The following CNST variants were observed in gnomAD, a reference collection of about 807,000 sequenced individuals.
CNST encodes the protein consortin.
In CNST, 39 loss-of-function variants were observed where a neutral mutation model predicts 72.4. That is an observed-to-expected ratio of 0.54 (90% CI 0.42 to 0.70). The LOEUF is 0.70. Ranked by LOEUF, CNST falls within the 30% of genes least tolerant of loss-of-function variation. The probability of loss-of-function intolerance (pLI) is 0.00; values close to 1 mark genes in which losing one functional copy is unlikely to be tolerated. For synonymous variants in CNST, 332 were observed against 320.1 expected (o/e 1.04, Z -0.40); for missense variants, 871 against 868.5 (o/e 1.00, Z -0.04).
intron 9 of CNST, among the ~76,000 whole-genome samples, chr1:246,649,948 A>G (rs1451931435): frequency 6.6e-6 from 1 of 151,664 alleles, no homozygotes; most frequent in Non-Finnish European, 1.5e-5. Flanking sequence ...GGATGTATCA[A>G]AGGTCTGTAG....
At chr1:246,603,409 A>G (rs188834149) in intron 2 of CNST, among the ~76,000 whole-genome samples, 1 of 152,276 alleles carries the variant, frequency 6.6e-6, no homozygotes, top group East Asian at 1.9e-4. Context: ...GATCTCTACA[A>G]AGAGTGACTG....
chr1:246,617,549 ATAT>A (rs1353940384), intron 2 of CNST, among the ~76,000 whole-genome samples: 1 of 152,196 alleles, frequency 6.6e-6, no homozygotes, highest in Non-Finnish European at 1.5e-5. Flanking sequence ...CCTCACACTA[ATAT>A]TATAAGGTAG....
Position 246,667,393 on chromosome 1 carries a change from T to G in CNST, c.*1488T>G, listed in dbSNP as rs1667432494. The G allele has an allele frequency of 1.3e-5, 2 of 152,198 alleles. No homozygotes were observed. Among genetic ancestry groups the G allele is most frequent in the Admixed American group, 6.5e-5 (1 of 15,280 alleles). 9.4% of individuals were successfully genotyped at this position (152,198 alleles called of 1,614,324 possible). On this transcript the variant is annotated 3_prime_UTR_variant, in exon 11 of 11. Coordinates refer to ENST00000366513, the MANE Select transcript of CNST (RefSeq NM_152609.3). The stretch of plus-strand genomic sequence containing the variant: ...AGATATTTAATTACTGTGTATTTAG[T>G]GTTTTGATTTTCTATAATTTCAGTT...
At chr1:246,648,089 A>G (rs1666229721) in intron 9 of CNST, 52 bp downstream of exon 9, 2 of 1,535,284 alleles carry the variant, frequency 1.3e-6, no homozygotes, top group Non-Finnish European at 1.7e-6. Flanking sequence ...TAAAAAACAT[A>G]TATATGTATT....
intron 9 of CNST, among the ~76,000 whole-genome samples, chr1:246,650,778 A>G (rs1299688038): frequency 6.6e-6 from 1 of 150,684 alleles, no homozygotes; most frequent in Non-Finnish European, 1.5e-5. Flanking sequence ...CCTGGGTTCA[A>G]GCAATACTCG....
chr1:246,625,583 A>G (rs1241449389), intron 3 of CNST, among the ~76,000 whole-genome samples: 1 of 151,230 alleles, frequency 6.6e-6, no homozygotes, highest in East Asian at 1.9e-4. Context: ...CACCACGCCC[A>G]GCTAATTTTT....
chr1:246,631,990 T>C (rs1664800597), intron 4 of CNST, 66 bp downstream of exon 4: 2 of 948,220 alleles, frequency 2.1e-6, no homozygotes, highest in East Asian at 2.4e-5. Context: ...TTTTTTTTAA[T>C]TGAAGTATAT....
intron 10 of CNST, among the ~76,000 whole-genome samples, chr1:246,661,198 A>G (rs924448267): frequency 3.0e-4 from 45 of 151,746 alleles, no homozygotes; most frequent in African/African-American, 1.1e-3. Context: ...TCAAACTCCT[A>G]ACCTCATGAG....
intron 10 of CNST, among the ~76,000 whole-genome samples, chr1:246,661,627 G>A (rs1252257726): frequency 6.6e-6 from 1 of 152,230 alleles, no homozygotes; most frequent in Non-Finnish European, 1.5e-5. Flanking sequence ...GAGTTTTGTA[G>A]TGAACAATGC....
intron 2 of CNST, among the ~76,000 whole-genome samples, chr1:246,614,324 A>G (rs1364990706): frequency 6.6e-6 from 1 of 152,204 alleles, no homozygotes; most frequent in Non-Finnish European, 1.5e-5. Flanking sequence ...AGTTAGGTAT[A>G]GAATTTTCTC....
At chr1:246,567,811 G>T (rs1211395761) in intron 1 of CNST, among the ~76,000 whole-genome samples, 1 of 152,060 alleles carries the variant, frequency 6.6e-6, no homozygotes, top group Non-Finnish European at 1.5e-5. Flanking sequence ...AGGTGACTTT[G>T]CATCCTCTGA....
chr1:246,575,454 G>C (rs550777333), intron 1 of CNST, among the ~76,000 whole-genome samples: 2 of 152,292 alleles, frequency 1.3e-5, no homozygotes, highest in African/African-American at 4.8e-5. Flanking sequence ...AGTGAAAGAA[G>C]CTAATTGCAA....
At chr1:246,614,089 C>T (rs1363420640) in intron 2 of CNST, among the ~76,000 whole-genome samples, 2 of 151,990 alleles carry the variant, frequency 1.3e-5, no homozygotes, top group Non-Finnish European at 2.9e-5. Context: ...ATCCCTTATC[C>T]AAAATGCTTG....
chr1:246,619,382 T>G (rs1226597138), intron 2 of CNST, among the ~76,000 whole-genome samples: 1 of 152,162 alleles, frequency 6.6e-6, no homozygotes, highest in East Asian at 1.9e-4. Flanking sequence ...AGAAGAGAAT[T>G]CTCTAAAATA....
intron 2 of CNST, among the ~76,000 whole-genome samples, chr1:246,603,340 G>A (rs551345117): frequency 5.4e-4 from 72 of 134,578 alleles, no homozygotes; most frequent in African/African-American, 1.9e-3. Flanking sequence ...ATATTTAATC[G>A]TTTTCTAAAT....
At chr1:246,623,752 ACT>A (rs1246762606) in intron 3 of CNST, among the ~76,000 whole-genome samples, 1 of 150,946 alleles carries the variant, frequency 6.6e-6, no homozygotes, top group African/African-American at 2.4e-5. Context: ...ACAGAGTGAG[ACT>A]CTGTCTCAAA....
intron 3 of CNST, among the ~76,000 whole-genome samples, chr1:246,621,837 A>G (rs1572191531): frequency 6.6e-6 from 1 of 152,104 alleles, no homozygotes; most frequent in Non-Finnish European, 1.5e-5. Flanking sequence ...TCTACAAAAT[A>G]TACAAAAATT....
chr1:246,581,420 C>G (rs540559502), intron 1 of CNST, among the ~76,000 whole-genome samples: 1 of 152,192 alleles, frequency 6.6e-6, no homozygotes, highest in South Asian at 2.1e-4. Context: ...TGCGCCTCCA[C>G]GCCTGGCTGA....
At chr1:246,621,946 C>T (rs1317260938) in intron 3 of CNST, among the ~76,000 whole-genome samples, 2 of 152,158 alleles carry the variant, frequency 1.3e-5, no homozygotes, top group African/African-American at 4.8e-5. Flanking sequence ...ATTGAGCTGA[C>T]ATTGCACCAC....
Sources: allele counts gnomAD v4.1 joint callset (sites outside exome capture counted in the v4.1 genomes callset), GRCh38; gene constraint gnomAD v4.1.1; transcripts MANE v1.5; gene names NCBI Gene and HGNC (gene_info 2026-07-23, HGNC 2026-07-21).